The following CNTN1 variants were observed in gnomAD, a reference collection of about 807,000 sequenced individuals.
CNTN1 encodes the protein contactin 1.
In CNTN1, 38 loss-of-function variants were observed where a neutral mutation model predicts 126.4. The observed-to-expected ratio is 0.30, with a 90% CI of 0.23 to 0.39. The LOEUF (loss-of-function observed/expected upper bound fraction) is 0.39, where lower values mean the gene tolerates loss of function less well. Ranked by LOEUF, CNTN1 falls within the 10% of genes least tolerant of loss-of-function variation. CNTN1 has a pLI of 1.00. For missense variants in CNTN1, 1,009 were observed against 1,248.4 expected (o/e 0.81, Z 2.89); for synonymous variants, 413 against 422.6 (o/e 0.98, Z 0.28).
intron 16 of CNTN1, among the ~76,000 whole-genome samples, chr12:40,983,861 TATTATAGCATATTTTATTTTATGC>T (rs1566089054): frequency 1.3e-4 from 9 of 67,046 alleles, no homozygotes; most frequent in Non-Finnish European, 2.1e-4. Flanking sequence ...TATTATATGC[TATTATAGCATATTTTATTTTATGC>T]TATTATAGCA....
At chr12:41,061,828 G>C in intron 23 of CNTN1, 1 of 455,766 alleles carries the variant, frequency 2.2e-6, no homozygotes, top group Non-Finnish European at 4.4e-6. Flanking sequence ...ACCATGTCTT[G>C]AGCCCAAATA....
intron 1 of CNTN1, among the ~76,000 whole-genome samples, chr12:40,761,202 G>C (rs1938853913): frequency 6.6e-6 from 1 of 152,006 alleles, no homozygotes; most frequent in Non-Finnish European, 1.5e-5. Flanking sequence ...TTTATCTAAA[G>C]ACTTCCAATT....
intron 1 of CNTN1, among the ~76,000 whole-genome samples, chr12:40,788,844 G>A (rs1246686210): frequency 4.6e-5 from 7 of 151,916 alleles, no homozygotes; most frequent in Non-Finnish European, 8.8e-5. Flanking sequence ...ATCATACATC[G>A]TGCTATTGTT....
chr12:40,883,156 G>A (rs893948638), intron 1 of CNTN1, among the ~76,000 whole-genome samples: 2 of 151,518 alleles, frequency 1.3e-5, no homozygotes, highest in Non-Finnish European at 3.0e-5. Context: ...ACCAGGGGAG[G>A]GGTATGTTTT....
chr12:40,764,391 A>G (rs1410539324), intron 1 of CNTN1, among the ~76,000 whole-genome samples: 1 of 152,254 alleles, frequency 6.6e-6, no homozygotes, highest in African/African-American at 2.4e-5. Context: ...ATGGAATAGT[A>G]CTGAAGGACA....
chr12:40,973,386 C>T lies in CNTN1; in HGVS notation c.1805-7523C>T, dbSNP rs559769679. Among the ~76,000 whole-genome samples, 8 of 152,108 alleles carry T rather than the reference C, an allele frequency of 5.3e-5. No individual in the cohort carries two copies. In the East Asian group the frequency reaches 7.7e-4, roughly 15 times the overall value. Reference sequence around the variant, plus strand: ...ATAATGAGACTTTGACATTCCTTGGCGAAGAAGATGTCTCCTGCCCTAATA... The same window carrying T: ...ATAATGAGACTTTGACATTCCTTGGTGAAGAAGATGTCTCCTGCCCTAATA... On this transcript the variant is annotated intron_variant, in intron 15 of 23. Coordinates refer to ENST00000551295, the MANE Select transcript of CNTN1 (RefSeq NM_001843.4).
intron 1 of CNTN1, among the ~76,000 whole-genome samples, chr12:40,752,519 C>T (rs1234008891): frequency 3.3e-5 from 5 of 152,052 alleles, no homozygotes; most frequent in East Asian, 1.9e-4. Context: ...CGTAGAGGAT[C>T]GGGCTTACCT....
intron 1 of CNTN1, among the ~76,000 whole-genome samples, chr12:40,785,032 A>C (rs1939957793): frequency 6.6e-6 from 1 of 152,170 alleles, no homozygotes; most frequent in Non-Finnish European, 1.5e-5. Flanking sequence ...AAATCATCTG[A>C]AAATTATAAA....
intron 1 of CNTN1, among the ~76,000 whole-genome samples, chr12:40,863,726 G>T (rs1422931861): frequency 6.6e-6 from 1 of 151,400 alleles, no homozygotes; most frequent in Non-Finnish European, 1.5e-5. Context: ...GAGGGATCTA[G>T]ACTGTGAGTT....
At chr12:40,825,240 C>T (rs2136535615) in intron 1 of CNTN1, among the ~76,000 whole-genome samples, 1 of 152,206 alleles carries the variant, frequency 6.6e-6, no homozygotes, top group South Asian at 2.1e-4. Flanking sequence ...TCTTCTCCCA[C>T]AGTACTTATC....
intron 1 of CNTN1, among the ~76,000 whole-genome samples, chr12:40,711,108 C>T (rs954836591): frequency 4.6e-5 from 7 of 152,102 alleles, no homozygotes; most frequent in African/African-American, 1.7e-4. Flanking sequence ...AATCTCTTCT[C>T]TTTCATATTT....
chr12:40,810,759 A>G (rs182832719), intron 1 of CNTN1, among the ~76,000 whole-genome samples: 1 of 152,288 alleles, frequency 6.6e-6, no homozygotes, highest in East Asian at 1.9e-4. Context: ...GCTCATGCCT[A>G]TAATTTCAGA....
chr12:40,826,481 T>A (rs1941617243), intron 1 of CNTN1, among the ~76,000 whole-genome samples: 1 of 152,148 alleles, frequency 6.6e-6, no homozygotes, highest in African/African-American at 2.4e-5. Flanking sequence ...ATGGAATACA[T>A]AATAGACAAA....
chr12:40,799,361 G>T (rs1940561514), intron 1 of CNTN1, among the ~76,000 whole-genome samples: 1 of 151,696 alleles, frequency 6.6e-6, no homozygotes, highest in Non-Finnish European at 1.5e-5. Flanking sequence ...CCAAGTCAGA[G>T]TATACAAAGG....
chr12:40,844,490 C>CT (rs1209476426), intron 1 of CNTN1, among the ~76,000 whole-genome samples: 1 of 152,004 alleles, frequency 6.6e-6, no homozygotes, highest in Non-Finnish European at 1.5e-5. Flanking sequence ...TAAGCAAAGC[C>CT]TTCCCTTAAT....
chr12:40,834,099 C>A (rs899072509), intron 1 of CNTN1, among the ~76,000 whole-genome samples: 4 of 152,118 alleles, frequency 2.6e-5, no homozygotes, highest in Non-Finnish European at 4.4e-5. Context: ...AACAATGAAC[C>A]AAATGCAATT....
At chr12:40,934,356 T>C (rs988026999) in intron 9 of CNTN1, among the ~76,000 whole-genome samples, 4 of 152,012 alleles carry the variant, frequency 2.6e-5, no homozygotes, top group African/African-American at 9.7e-5. Flanking sequence ...ATTTGTATTT[T>C]TAACAAATTC....
At chr12:40,889,196 C>T (rs545684106) in intron 1 of CNTN1, among the ~76,000 whole-genome samples, 1 of 152,262 alleles carries the variant, frequency 6.6e-6, no homozygotes, top group South Asian at 2.1e-4. Flanking sequence ...TGAGAAGTAG[C>T]TGGGCCTATA....
chr12:40,716,564 C>T (rs1420122901), intron 1 of CNTN1, among the ~76,000 whole-genome samples: 1 of 152,162 alleles, frequency 6.6e-6, no homozygotes, highest in Non-Finnish European at 1.5e-5. Flanking sequence ...TGGGCAATTA[C>T]AAATGTATCT....
Sources: allele counts gnomAD v4.1 joint callset (sites outside exome capture counted in the v4.1 genomes callset), GRCh38; gene constraint gnomAD v4.1.1; transcripts MANE v1.5; gene names NCBI Gene and HGNC (gene_info 2026-07-23, HGNC 2026-07-21).